Variants in TRAF3 observed in about 807,000 individuals in gnomAD.
TRAF3 encodes the protein TNF receptor associated factor 3.
TRAF3 carries 13 observed loss-of-function variants against 62.3 expected under a neutral mutation model. That is an observed-to-expected ratio of 0.21 (90% CI 0.14 to 0.33). The LOEUF (loss-of-function observed/expected upper bound fraction) is 0.33, where lower values mean the gene tolerates loss of function less well. Ranked by LOEUF, TRAF3 falls within the 10% of genes least tolerant of loss-of-function variation. TRAF3 has a pLI of 1.00. For synonymous variants in TRAF3, 269 were observed against 283.4 expected, an observed-to-expected ratio of 0.95 and a Z score of 0.51; for missense variants, 440 against 741.8, an observed-to-expected ratio of 0.59 and a Z score of 4.73.
At chr14:102,815,148 G>A (rs570417789) in intron 1 of TRAF3, among the ~76,000 whole-genome samples, 2 of 151,746 alleles carry the variant, frequency 1.3e-5, no homozygotes, top group South Asian at 2.1e-4. Flanking sequence ...TATGTTGCCC[G>A]GGCTGGTCTC....
chr14:102,860,395 A>G (rs1887612264), intron 2 of TRAF3, among the ~76,000 whole-genome samples: 1 of 152,208 alleles, frequency 6.6e-6, no homozygotes, highest in Non-Finnish European at 1.5e-5. Context: ...GTTTTTCCCA[A>G]AACAGGGTAT....
At chr14:102,848,121 C>T (rs965378139) in intron 2 of TRAF3, among the ~76,000 whole-genome samples, 1 of 152,174 alleles carries the variant, frequency 6.6e-6, no homozygotes, top group East Asian at 1.9e-4. Flanking sequence ...CTATTTGCTC[C>T]TTAACATCTT....
chr14:102,863,008 T>C (rs1322687249), intron 2 of TRAF3, among the ~76,000 whole-genome samples: 1 of 152,214 alleles, frequency 6.6e-6, no homozygotes, highest in Non-Finnish European at 1.5e-5. Flanking sequence ...GACATTGTTC[T>C]GATGGATCTT....
chr14:102,870,932 C>A (rs1888306581), intron 3 of TRAF3, among the ~76,000 whole-genome samples: 1 of 152,238 alleles, frequency 6.6e-6, no homozygotes, highest in Admixed American at 6.5e-5. Context: ...GAGCCCATGG[C>A]AGCCCTTTGC....
rs1475696039 is a variant in TRAF3, at chr14:102,886,184, T to G, written c.571-5T>G. On this transcript the variant is annotated splice_polypyrimidine_tract_variant and splice_region_variant and intron_variant, in intron 6 of 11. Transcript: ENST00000392745. ...TAAAGTTGATAGTACTTTCTCTCTC[T>G]GTAGAAACACGAAGACACCGACTGT... 6.2e-7 allele frequency: 1 copy of G among 1,612,796 alleles called. No individual in the cohort carries two copies.
At chr14:102,782,258 G>A (rs778411441) in intron 1 of TRAF3, among the ~76,000 whole-genome samples, 2 of 150,908 alleles carry the variant, frequency 1.3e-5, no homozygotes, top group Non-Finnish European at 3.0e-5. Context: ...TTTTGAGATG[G>A]AGTCTTGCTC....
chr14:102,808,241 G>A (rs1898894524), intron 1 of TRAF3, among the ~76,000 whole-genome samples: 2 of 152,112 alleles, frequency 1.3e-5, no homozygotes, highest in African/African-American at 2.4e-5. Context: ...GGCCAGGTGC[G>A]GTGGCTCACA....
Position 102,900,393 on chromosome 14 carries a change from C to CG in TRAF3, c.961-2859dup, listed in dbSNP as rs1317573689. Among the ~76,000 whole-genome samples, 6 of 152,222 alleles carry CG rather than the reference C, an allele frequency of 3.9e-5. No individual in the cohort carries two copies. In the East Asian group the frequency reaches 9.6e-4, roughly 24 times the overall value. On this transcript the variant is annotated intron_variant, in intron 10 of 11. Transcript: ENST00000392745. ...GCAGGCATCTGTAATCCCAGCTACT[C>CG]GGGAGGCTGAGGCAGAAGAATCACT...
rs184179792 is a variant in TRAF3 at position 102,857,263 on chromosome 14, A to G, written c.-17-12922A>G. 8.5e-5 allele frequency among the ~76,000 whole-genome samples: 13 copies of G among 152,200 alleles called. No individual in the cohort carries two copies. The East Asian group carries it at 1.9e-3, about 23-fold the overall frequency. ...TAAGCAGGGTTAGCCTAAGTTGCAG[A>G]AAAAAAACTTAAAAACAACTGATGA... On this transcript the variant is annotated intron_variant, in intron 2 of 11. Transcript: ENST00000392745.
intron 1 of TRAF3, among the ~76,000 whole-genome samples, chr14:102,818,187 T>C (rs1020060906): frequency 6.6e-6 from 1 of 152,226 alleles, no homozygotes; most frequent in Non-Finnish European, 1.5e-5. Flanking sequence ...TCTTTAATTC[T>C]GGCAGGGTGG....
At chr14:102,883,586 C>T (rs900449881) in intron 6 of TRAF3, among the ~76,000 whole-genome samples, 9 of 146,508 alleles carry the variant, frequency 6.1e-5, no homozygotes, top group Non-Finnish European at 1.4e-4. Flanking sequence ...CTTTTTTTTT[C>T]TTTCTTTCTT....
intron 9 of TRAF3, among the ~76,000 whole-genome samples, chr14:102,894,024 G>T (rs1566803734): frequency 6.6e-6 from 1 of 152,144 alleles, no homozygotes; most frequent in Non-Finnish European, 1.5e-5. Context: ...TGTTTGAGCG[G>T]GTTCACAAAG....
chr14:102,892,087 C>T (rs1451653507), intron 9 of TRAF3, among the ~76,000 whole-genome samples: 1 of 141,224 alleles, frequency 7.1e-6, no homozygotes, highest in Non-Finnish European at 1.5e-5. Flanking sequence ...CGGAGTTTTG[C>T]TCTTGTAGCC....
intron 2 of TRAF3, among the ~76,000 whole-genome samples, chr14:102,842,525 A>G (rs1886438133): frequency 6.6e-6 from 1 of 152,044 alleles, no homozygotes; most frequent in Admixed American, 6.6e-5. Flanking sequence ...GATATGTATA[A>G]CCTAGTTCCA....
intron 10 of TRAF3, among the ~76,000 whole-genome samples, chr14:102,899,578 T>C (rs1004399713): frequency 2.6e-5 from 4 of 152,246 alleles, no homozygotes; most frequent in Admixed American, 2.6e-4. Flanking sequence ...AGATGTCTTT[T>C]TCTCCTGCTT....
intron 2 of TRAF3, among the ~76,000 whole-genome samples, chr14:102,859,173 C>T (rs1246341658): frequency 6.8e-6 from 1 of 146,756 alleles, no homozygotes; most frequent in East Asian, 2.0e-4. Context: ...AAAACAATCC[C>T]TTAACCCTTT....
intron 1 of TRAF3, among the ~76,000 whole-genome samples, chr14:102,805,811 C>T (rs1898738072): frequency 6.6e-6 from 1 of 152,216 alleles, no homozygotes; most frequent in Non-Finnish European, 1.5e-5. Flanking sequence ...GTTTTGATGT[C>T]ATGGTTCAAA....
intron 4 of TRAF3, among the ~76,000 whole-genome samples, chr14:102,874,337 ACCT>A (rs1888518415): frequency 6.6e-6 from 1 of 151,512 alleles, no homozygotes; most frequent in African/African-American, 2.4e-5. Flanking sequence ...GCTCACTGCA[ACCT>A]CCTCCTCCCG....
At chr14:102,811,825 G>A (rs1438370182) in intron 1 of TRAF3, among the ~76,000 whole-genome samples, 2 of 140,922 alleles carry the variant, frequency 1.4e-5, no homozygotes, top group African/African-American at 2.6e-5. Flanking sequence ...ATAACTTACT[G>A]TAACCTTGAA....
Sources: gnomAD v4.1 joint callset for allele counts (sites outside exome capture counted in the v4.1 genomes callset) on GRCh38, gnomAD v4.1.1 for gene constraint, MANE v1.5 for transcripts, NCBI Gene and HGNC (gene_info 2026-07-23, HGNC 2026-07-21) for gene names.